Variants in TSHZ2 observed in about 807,000 individuals in gnomAD.
The protein encoded by TSHZ2 is teashirt homolog 2.
In TSHZ2, 21 loss-of-function variants were observed where a neutral mutation model predicts 74.4. That is an observed-to-expected ratio of 0.28 (90% CI 0.20 to 0.41). The LOEUF (loss-of-function observed/expected upper bound fraction) is 0.41. Among genes scored for constraint, TSHZ2 ranks in the 10% least tolerant of loss-of-function variants. The pLI, the probability that TSHZ2 is intolerant of heterozygous loss-of-function variation, is 1.00. For missense variants in TSHZ2, 1,244 were observed against 1,293.5 expected (o/e 0.96, Z 0.59); for synonymous variants, 540 against 515.3 (o/e 1.05, Z -0.65).
chr20:53,043,684 A>G (rs988547437), intron 1 of TSHZ2, among the ~76,000 whole-genome samples: 1 of 152,086 alleles, frequency 6.6e-6, no homozygotes, highest in Non-Finnish European at 1.5e-5. Flanking sequence ...TTCTTCCATT[A>G]CCAGAACAAT....
rs557041258 is a variant in TSHZ2 at position 53,129,545 on chromosome 20, T to C, written c.41-123954T>C. Among the ~76,000 whole-genome samples the C allele has an allele frequency of 3.9e-5, 6 of 152,336 alleles. No homozygotes were observed. The East Asian group carries it at 1.2e-3, about 29-fold the overall frequency. ...ATATATCAATAAGTGGATGTAACTATAGATAGATACTGTTGGATAATATTG... is the reference window on the plus strand; with the variant it reads ...ATATATCAATAAGTGGATGTAACTACAGATAGATACTGTTGGATAATATTG... On this transcript the variant is annotated intron_variant, in intron 1 of 2. Transcript: ENST00000371497.
In TSHZ2 at chr20:53,182,083, G is replaced by A. The variant is rs189632496; in HGVS notation, c.41-71416G>A. On this transcript the variant is annotated intron_variant, in intron 1 of 2. Coordinates refer to ENST00000371497, the MANE Select transcript of TSHZ2 (RefSeq NM_173485.6). ...ACGTGCCACATATAGTGCCTAGGCC[G>A]GCCTGCCTTCCTTTCCTTCCTTCCT... Among the ~76,000 whole-genome samples the A allele has an allele frequency of 4.6e-3, 692 of 151,638 alleles. 5 individuals carry two copies. Among genetic ancestry groups the A allele is most frequent in the African/African-American group, 0.016 (667 of 41,276 alleles).
intron 1 of TSHZ2, among the ~76,000 whole-genome samples, chr20:53,215,110 T>A (rs1989404583): frequency 6.6e-6 from 1 of 152,086 alleles, no homozygotes; most frequent in Admixed American, 6.6e-5. Context: ...AGGTTGTTTG[T>A]TTGAGTTTTT....
At chr20:53,229,017 G>T (rs188710084) in intron 1 of TSHZ2, among the ~76,000 whole-genome samples, 1 of 152,032 alleles carries the variant, frequency 6.6e-6, no homozygotes, top group East Asian at 1.9e-4. Context: ...ACCCATACTC[G>T]GGAGTCAACA....
intron 2 of TSHZ2, among the ~76,000 whole-genome samples, chr20:53,289,349 T>C (rs143384787): frequency 7.4e-4 from 113 of 152,358 alleles, no homozygotes; most frequent in African/African-American, 2.4e-3. Flanking sequence ...GATTGCCTCA[T>C]TAAATGGTAG....
chr20:53,001,212 G>A (rs1484229705), intron 1 of TSHZ2, among the ~76,000 whole-genome samples: 10 of 123,434 alleles, frequency 8.1e-5, no homozygotes, highest in Non-Finnish European at 1.1e-4. Flanking sequence ...GTGCGTGTGT[G>A]TGTGTGTGTG....
At chr20:53,459,507 A>C (rs1468649913) in intron 2 of TSHZ2, among the ~76,000 whole-genome samples, 1 of 145,488 alleles carries the variant, frequency 6.9e-6, no homozygotes, top group Non-Finnish European at 1.5e-5. Context: ...TTGACTCTTT[A>C]TCCAATTTGC....
intron 2 of TSHZ2, among the ~76,000 whole-genome samples, chr20:53,287,096 A>T (rs1991182720): frequency 6.6e-6 from 1 of 152,052 alleles, no homozygotes; most frequent in African/African-American, 2.4e-5. Context: ...AAAGAGGGGC[A>T]CCCAGTCTTG....
intron 2 of TSHZ2, among the ~76,000 whole-genome samples, chr20:53,371,874 CAA>C (rs967830516): frequency 1.1e-4 from 8 of 74,388 alleles, no homozygotes; most frequent in African/African-American, 5.7e-5. Context: ...GACTCCGTCT[CAA>C]AAAAAAAAAA....
intron 2 of TSHZ2, among the ~76,000 whole-genome samples, chr20:53,475,633 G>C (rs558386107): frequency 3.3e-5 from 4 of 122,658 alleles, no homozygotes; most frequent in African/African-American, 1.0e-4. Context: ...TCAAAAGCTA[G>C]TAGAAGGCAA....
intron 2 of TSHZ2, among the ~76,000 whole-genome samples, chr20:53,354,946 T>C (rs1980790080): frequency 1.3e-5 from 2 of 152,210 alleles, no homozygotes; most frequent in South Asian, 4.1e-4. Context: ...TATAATGGTG[T>C]TTTTCCATTT....
chr20:53,354,395 G>A (rs937436737), intron 2 of TSHZ2, among the ~76,000 whole-genome samples: 2 of 152,184 alleles, frequency 1.3e-5, no homozygotes, highest in Non-Finnish European at 2.9e-5. Context: ...GACTGGAATA[G>A]ATTAATGTCT....
intron 1 of TSHZ2, among the ~76,000 whole-genome samples, chr20:53,104,533 T>A (rs575483479): frequency 6.6e-6 from 1 of 152,184 alleles, no homozygotes; most frequent in African/African-American, 2.4e-5. Flanking sequence ...CCAAAGTCTT[T>A]GTGTGTTTTT....
At chr20:53,417,241 GACACACACACACACACACAC>G (rs56822266) in intron 2 of TSHZ2, among the ~76,000 whole-genome samples, 1 of 138,124 alleles carries the variant, frequency 7.2e-6, no homozygotes, top group South Asian at 2.4e-4. Context: ...GACACACACA[GACACACACACACACACACAC>G]ACACACACAC....
intron 1 of TSHZ2, among the ~76,000 whole-genome samples, chr20:53,241,755 G>A (rs545350952): frequency 1.2e-4 from 19 of 152,136 alleles, no homozygotes; most frequent in African/African-American, 4.6e-4. Context: ...CTTTGAGGCA[G>A]GTACTATTAT....
chr20:53,209,993 C>T (rs1989261712), intron 1 of TSHZ2, among the ~76,000 whole-genome samples: 1 of 152,232 alleles, frequency 6.6e-6, no homozygotes, highest in Non-Finnish European at 1.5e-5. Flanking sequence ...AAATGCGTTT[C>T]AATTTGGAAA....
At chr20:53,206,234 A>AAAT (rs952717383) in intron 1 of TSHZ2, among the ~76,000 whole-genome samples, 1 of 152,164 alleles carries the variant, frequency 6.6e-6, no homozygotes, top group Non-Finnish European at 1.5e-5. Flanking sequence ...ATTAAATAAA[A>AAAT]AATAATAATA....
At chr20:53,152,248 A>G (rs762520241) in intron 1 of TSHZ2, among the ~76,000 whole-genome samples, 1 of 152,144 alleles carries the variant, frequency 6.6e-6, no homozygotes, top group Non-Finnish European at 1.5e-5. Context: ...GATCCAATCC[A>G]CTGCAGTCTC....
intron 1 of TSHZ2, among the ~76,000 whole-genome samples, chr20:52,991,860 G>A (rs368949368): frequency 2.6e-5 from 4 of 152,138 alleles, no homozygotes; most frequent in South Asian, 2.1e-4. Flanking sequence ...TGGTGGACCT[G>A]GCATGTTCAT....
Sources: allele counts gnomAD v4.1 joint callset (sites outside exome capture counted in the v4.1 genomes callset), GRCh38; gene constraint gnomAD v4.1.1; transcripts MANE v1.5; gene names NCBI Gene and HGNC (gene_info 2026-07-23, HGNC 2026-07-21).